Variants in MMP28 observed in about 807,000 individuals in gnomAD.
The protein encoded by MMP28 is matrix metalloproteinase-28.
Under a neutral mutation model 60.5 loss-of-function variants are expected in MMP28, and 55 were observed. The observed-to-expected ratio is 0.91, with a 90% CI of 0.73 to 1.14. The LOEUF (loss-of-function observed/expected upper bound fraction) is 1.14, where lower values mean the gene tolerates loss of function less well. Among genes scored for constraint, MMP28 ranks in the 50% most tolerant of loss-of-function variants. The pLI, the probability that MMP28 is intolerant of heterozygous loss-of-function variation, is 0.00. For missense variants in MMP28, 686 were observed against 738.3 expected (o/e 0.93, Z 0.82); for synonymous variants, 318 against 312.5 (o/e 1.02, Z -0.18).
Position 35,795,602 on chromosome 17 carries a change from T to G in MMP28, c.-225A>C. On this transcript the variant is annotated 5_prime_UTR_variant, in exon 1 of 8. Transcript: ENST00000605424. ...GACGTCGTCCAGCCCGGGCAGTGCC[T>G]GCCCGCGGGTCCGCCGGCCCCGGGG... 2.7e-6 allele frequency: 1 copy of G among 370,658 alleles called. No individual in the cohort carries two copies. The allele number at this position is 370,658 out of a possible 1,614,324, so 23.0% of individuals were successfully genotyped here.
intron 1 of MMP28, among the ~76,000 whole-genome samples, chr17:35,785,447 T>C (rs2086619149): frequency 6.6e-6 from 1 of 151,674 alleles, no homozygotes; most frequent in African/African-American, 2.4e-5. Context: ...AATTAGGAGG[T>C]TGGATTATTA....
intron 5 of MMP28, among the ~76,000 whole-genome samples, chr17:35,769,283 G>A (rs951208579): frequency 9.2e-5 from 14 of 152,206 alleles, no homozygotes; most frequent in Admixed American, 8.5e-4. Context: ...AATAGTAGCT[G>A]TTAGTATTAC....
intron 1 of MMP28, among the ~76,000 whole-genome samples, chr17:35,794,188 A>C (rs948781994): frequency 2.0e-5 from 3 of 152,010 alleles, no homozygotes; most frequent in Non-Finnish European, 4.4e-5. Context: ...TAAGAACACA[A>C]GCAGACATGC....
In MMP28 at chr17:35,770,062, C is replaced by T; in HGVS notation, c.850+5G>A. On this transcript the variant is annotated splice_donor_5th_base_variant and intron_variant, in intron 5 of 7. Transcript: ENST00000605424. ...CCAAGAGCGGGGCATGTCCCGGGGC[C>T]TCACCATACAGGCTCTGCACGGCCA... 1 of 1,553,276 alleles carries T rather than the reference C, an allele frequency of 6.4e-7. No homozygotes were observed. The highest frequency in any genetic ancestry group is 8.7e-7 in the Non-Finnish European group (1 of 1,149,624).
chr17:35,777,055 A>G (rs2086353339), intron 3 of MMP28, among the ~76,000 whole-genome samples: 2 of 152,202 alleles, frequency 1.3e-5, no homozygotes, highest in South Asian at 4.1e-4. Context: ...GGGCTGCCCC[A>G]CTTTCCACTG....
chr17:35,764,809 C>A (rs1468606822), downstream of MMP28: 15 of 596,994 alleles, frequency 2.5e-5, no homozygotes, highest in Middle Eastern at 4.5e-4. Context: ...TGTCACCTAG[C>A]GCCCCCAGTG....
intron 4 of MMP28, among the ~76,000 whole-genome samples, chr17:35,771,283 T>C (rs1441999385): frequency 6.6e-6 from 1 of 151,672 alleles, no homozygotes; most frequent in African/African-American, 2.4e-5. Context: ...ATGCAAAAAG[T>C]AGCCAGGCGT....
At chr17:35,782,467 T>C (rs77981224) in intron 1 of MMP28, among the ~76,000 whole-genome samples, 1 of 152,362 alleles carries the variant, frequency 6.6e-6, no homozygotes, top group East Asian at 1.9e-4. Flanking sequence ...CCTAAATCTT[T>C]GCAAGTATCC....
At position 35,770,208 on chromosome 17, in the gene MMP28, C is replaced by T; in HGVS notation, c.709G>A (p.Val237Met). The T allele has an allele frequency of 6.2e-6, 10 of 1,603,098 alleles. No homozygotes were observed. Among genetic ancestry groups the T allele is most frequent in the Non-Finnish European group, 8.5e-6 (10 of 1,178,112 alleles). ...SRRRGRNLFV[V>M]LAHEIGHTLG... The stretch of plus-strand genomic sequence containing the variant: ...GTGTGACCGATCTCGTGCGCCAGCA[C>T]CACGAACAGGTTGCGCCCGCGGCGG... The change falls in exon 5 of 8, where the codon GTG becomes ATG. Residue 237 changes from valine (V) to methionine (M), a missense_variant. Transcript: ENST00000605424.
intron 1 of MMP28, among the ~76,000 whole-genome samples, chr17:35,791,914 C>T (rs1469031297): frequency 6.6e-6 from 1 of 152,136 alleles, no homozygotes; most frequent in African/African-American, 2.4e-5. Flanking sequence ...GTATAGCTCC[C>T]TCCTCTGTGA....
At chr17:35,773,679 G>C (rs1317060632) in intron 3 of MMP28, among the ~76,000 whole-genome samples, 1 of 152,216 alleles carries the variant, frequency 6.6e-6, no homozygotes, top group Non-Finnish European at 1.5e-5. Context: ...AGGGGAAGCA[G>C]CCTCTGCCCA....
intron 1 of MMP28, among the ~76,000 whole-genome samples, chr17:35,786,846 A>G (rs536385176): frequency 6.6e-6 from 1 of 152,244 alleles, no homozygotes; most frequent in African/African-American, 2.4e-5. Flanking sequence ...GAATCTCACA[A>G]TGATCTTGCA....
rs2086421419 is a variant in MMP28 at position 35,779,075 on chromosome 17, T to C, written c.192A>G (p.Arg64=). The C allele has an allele frequency of 6.2e-7, 1 of 1,613,622 alleles. No individual in the cohort carries two copies. Among genetic ancestry groups the C allele is most frequent in the Non-Finnish European group, 8.5e-7 (1 of 1,179,734 alleles). ...GTAGCTGGGACACCCACTGAAACGC[T>C]CTGTCAGGAGGAAAGGACCGCAAGG... The part of the protein sequence containing the change: ...PTSTRFSDAI[R]AFQWVSQLPV... The change falls in exon 3 of 8, where the codon AGA becomes AGG. Residue 64 remains arginine, a splice_region_variant and synonymous_variant. Transcript: ENST00000605424.
chr17:35,768,242 C>A lies in MMP28; in HGVS notation c.988G>T (p.Ala330Ser). 1 of 1,607,116 alleles carries A rather than the reference C, an allele frequency of 6.2e-7. No individual in the cohort carries two copies. Among genetic ancestry groups the A allele is most frequent in the South Asian group, 1.1e-5 (1 of 90,456 alleles). ...GGGACCTTCTTACCTACAGTGATGGCATCGAAGGAAGAGTGGCAGTATTTA... is the reference window on the plus strand; with the variant it reads ...GGGACCTTCTTACCTACAGTGATGGAATCGAAGGAAGAGTGGCAGTATTTA... ...GPKYCHSSFD[A>S]ITVDRQQQLY... The change falls in exon 6 of 8, where the codon GCC (alanine) becomes TCC (serine). Residue 330 changes from alanine to serine, a missense_variant. Coordinates refer to ENST00000605424, the MANE Select transcript of MMP28 (RefSeq NM_024302.5).
intron 1 of MMP28, among the ~76,000 whole-genome samples, chr17:35,791,636 C>G (rs1253837612): frequency 6.6e-6 from 1 of 152,214 alleles, no homozygotes; most frequent in Non-Finnish European, 1.5e-5. Context: ...AGGTCTTACT[C>G]TAGTTCATGG....
chr17:35,764,343 G>T (rs892978386), downstream of MMP28: 17 of 1,461,284 alleles, frequency 1.2e-5, no homozygotes, highest in Non-Finnish European at 1.5e-5. Context: ...CGCGCTCCTC[G>T]ACCGGGGCAC....
chr17:35,770,714 A>ATGTGTGTGTG (rs56074641), intron 4 of MMP28, among the ~76,000 whole-genome samples: 92 of 147,650 alleles, frequency 6.2e-4, no homozygotes, highest in African/African-American at 2.1e-3. Flanking sequence ...TGAATAATAA[A>ATGTGTGTGTG]TGTGTGTGTG....
chr17:35,782,335 G>A (rs1228672421), intron 1 of MMP28, among the ~76,000 whole-genome samples: 11 of 152,156 alleles, frequency 7.2e-5, no homozygotes, highest in Non-Finnish European at 1.6e-4. Flanking sequence ...GATTACAGGC[G>A]TGAGCCACCG....
intron 4 of MMP28, among the ~76,000 whole-genome samples, chr17:35,771,796 G>C (rs2086164870): frequency 7.2e-6 from 1 of 138,154 alleles, no homozygotes; most frequent in Non-Finnish European, 1.5e-5. Flanking sequence ...CACCTCTGGG[G>C]GGCCTCTCTC....
Sources: gnomAD v4.1 joint callset for allele counts (sites outside exome capture counted in the v4.1 genomes callset) on GRCh38, gnomAD v4.1.1 for gene constraint, MANE v1.5 for transcripts, NCBI Gene and HGNC (gene_info 2026-07-23, HGNC 2026-07-21) for gene names.